APIP: variants seen among roughly 807,000 people sequenced by gnomAD.
APIP encodes APAF1 interacting protein, also known as methylthioribulose-1-phosphate dehydratase.
In APIP, 32 loss-of-function variants were observed where a neutral mutation model predicts 32.0. That is an observed-to-expected ratio of 1.00 (90% CI 0.76 to 1.34). The LOEUF (loss-of-function observed/expected upper bound fraction) is 1.34. Ranked by LOEUF, APIP falls within the 40% of genes most tolerant of loss-of-function variation. APIP has a pLI of 0.00. For synonymous variants in APIP, 92 were observed against 94.8 expected (o/e 0.97, Z 0.17); for missense variants, 247 against 298.6 (o/e 0.83, Z 1.27).
At chr11:34,914,394 A>G (rs978854309) in intron 1 of APIP, among the ~76,000 whole-genome samples, 1 of 152,212 alleles carries the variant, frequency 6.6e-6, no homozygotes, top group Admixed American at 6.5e-5. Flanking sequence ...CCTTAAGGCC[A>G]AAGAGACTGT....
At chr11:34,916,027 G>A (rs1853673671) in intron 1 of APIP, 1 of 661,674 alleles carries the variant, frequency 1.5e-6, no homozygotes, top group Admixed American at 3.1e-5. Flanking sequence ...CGCCCCGCCC[G>A]AGACCACTGA....
chr11:34,902,638 C>T (rs564346080), intron 1 of APIP, among the ~76,000 whole-genome samples: 134 of 152,210 alleles, frequency 8.8e-4, no homozygotes, highest in African/African-American at 3.0e-3. Flanking sequence ...TGAAATAGCC[C>T]GTCCATTATA....
chr11:34,887,140 G>A (rs1330726279), intron 5 of APIP, among the ~76,000 whole-genome samples: 1 of 152,038 alleles, frequency 6.6e-6, no homozygotes, highest in Non-Finnish European at 1.5e-5. Flanking sequence ...TCATTTCCCA[G>A]CTAGACTCCA....
intron 2 of APIP, among the ~76,000 whole-genome samples, chr11:34,893,251 G>C (rs1043353685): frequency 2.6e-5 from 4 of 152,046 alleles, no homozygotes; most frequent in Non-Finnish European, 5.9e-5. Flanking sequence ...ATTTCATCTT[G>C]AGTCCTGCAT....
At chr11:34,899,564 T>C (rs1853341856) in intron 1 of APIP, among the ~76,000 whole-genome samples, 1 of 152,264 alleles carries the variant, frequency 6.6e-6, no homozygotes, top group South Asian at 2.1e-4. Flanking sequence ...CAATCTAGCA[T>C]ACCCCCTCCA....
chr11:34,884,019 A>G (rs1046339501), intron 5 of APIP, among the ~76,000 whole-genome samples: 2 of 152,216 alleles, frequency 1.3e-5, no homozygotes, highest in Non-Finnish European at 2.9e-5. Flanking sequence ...AATGTTCTGG[A>G]GATAACTCTT....
At chr11:34,896,915 C>T in intron 1 of APIP, 1 of 874,548 alleles carries the variant, frequency 1.1e-6, no homozygotes, top group South Asian at 1.4e-5. Context: ...ATGAAAAATC[C>T]CCACATAAAC....
chr11:34,883,443 C>A lies in APIP; in HGVS notation c.523G>T (p.Asp175Tyr). The change falls in exon 6 of 7, where the codon GAT becomes TAT. Residue 175 changes from aspartate (D) to tyrosine (Y), a missense_variant. By Grantham distance (160) the Asp-to-Tyr change is radical. Coordinates refer to ENST00000395787, the MANE Select transcript of APIP (RefSeq NM_015957.4). ...ENTPEEKDLKDRMAHAMNEYP... is the reference protein window; with the variant it reads ...ENTPEEKDLKYRMAHAMNEYP... ...TCATTCATTGCATGAGCCATTCTAT[C>A]TTTGAGGTCTTTCTCCTCAGGTGTA... 14 of 1,614,072 alleles carry A rather than the reference C, an allele frequency of 8.7e-6. No homozygotes were observed. The highest frequency in any genetic ancestry group is 1.1e-5 in the Non-Finnish European group (13 of 1,179,972).
At chr11:34,896,101 T>C (rs369482941) in intron 1 of APIP, among the ~76,000 whole-genome samples, 11 of 152,074 alleles carry the variant, frequency 7.2e-5, no homozygotes, top group Admixed American at 5.2e-4. Context: ...CAGGAAACAA[T>C]AGATGCTGGA....
chr11:34,893,942 A>C (rs951774122), intron 2 of APIP, among the ~76,000 whole-genome samples: 2 of 152,252 alleles, frequency 1.3e-5, no homozygotes, highest in Non-Finnish European at 2.9e-5. Context: ...TGTTAAAGAA[A>C]GTGAATTAGA....
chr11:34,914,743 C>T (rs769427456), intron 1 of APIP, among the ~76,000 whole-genome samples: 1 of 152,102 alleles, frequency 6.6e-6, no homozygotes, highest in African/African-American at 2.4e-5. Flanking sequence ...GTGGCTTACA[C>T]CTGTAATCCC....
At chr11:34,885,145 C>CCTATATATGTATAGGTATACATGTATAA (rs1853043202) in intron 5 of APIP, among the ~76,000 whole-genome samples, 1 of 146,546 alleles carries the variant, frequency 6.8e-6, no homozygotes, top group Admixed American at 6.9e-5. Flanking sequence ...ATAATGTATA[C>CCTATATATGTATAGGTATACATGTATAA]CTATATATGT....
chr11:34,884,786 C>A (rs942445129), intron 5 of APIP, among the ~76,000 whole-genome samples: 1 of 151,802 alleles, frequency 6.6e-6, no homozygotes, highest in Non-Finnish European at 1.5e-5. Flanking sequence ...TCAAATCTTT[C>A]CTAATATTGG....
chr11:34,883,464 G>C lies in APIP; in HGVS notation c.502C>G (p.Pro168Ala). The C allele has an allele frequency of 6.2e-7, 1 of 1,613,906 alleles. No individual in the cohort carries two copies. ...CTATCTTTGAGGTCTTTCTCCTCAGGTGTATTCTCAATAATGGGTACCACT... is the reference window on the plus strand; with the variant it reads ...CTATCTTTGAGGTCTTTCTCCTCAGCTGTATTCTCAATAATGGGTACCACT... Reference protein sequence around the residue: ...MLVVPIIENTPEEKDLKDRMA... With the variant: ...MLVVPIIENTAEEKDLKDRMA... The change falls in exon 6 of 7, where the codon CCT (proline) becomes GCT (alanine). Residue 168 changes from proline (P) to alanine (A), a missense_variant. Coordinates refer to ENST00000395787, the MANE Select transcript of APIP (RefSeq NM_015957.4).
Position 34,888,816 on chromosome 11 carries a change from C to T in APIP, c.261G>A (p.Ser87=), listed in dbSNP as rs140661576. 19 of 1,519,688 alleles carry T rather than the reference C, an allele frequency of 1.3e-5. No individual in the cohort carries two copies. Among genetic ancestry groups the T allele is most frequent in the African/African-American group, 1.0e-4 (7 of 68,190 alleles). 94.1% of individuals were successfully genotyped at this position (1,519,688 alleles called of 1,614,324 possible). ...DINEKDISGP[S]PSKKLKKSQC... is the part of the protein sequence containing the mutation. Reference sequence around the variant, plus strand: ...GGCTTTTTTTTAGCTTCTTCGATGGCGAAGGTCCACTTATGTCCTTTTCAT... The same window carrying T: ...GGCTTTTTTTTAGCTTCTTCGATGGTGAAGGTCCACTTATGTCCTTTTCAT... Residue 87 remains serine, a synonymous_variant, in exon 4 of 7, where the codon TCG becomes TCA. Coordinates refer to ENST00000395787, the MANE Select transcript of APIP (RefSeq NM_015957.4).
chr11:34,905,352 G>A (rs919792019), intron 1 of APIP, among the ~76,000 whole-genome samples: 12 of 152,126 alleles, frequency 7.9e-5, no homozygotes, highest in Non-Finnish European at 1.5e-4. Flanking sequence ...GTTCAGTGAC[G>A]CTAAGGAAAC....
intron 1 of APIP, among the ~76,000 whole-genome samples, chr11:34,898,306 A>G (rs536958040): frequency 1.3e-5 from 2 of 152,224 alleles, no homozygotes; most frequent in African/African-American, 4.8e-5. Flanking sequence ...AAGGCCTCAG[A>G]TGTTAGGCTT....
At chr11:34,884,732 A>ACC (rs146887148) in intron 5 of APIP, among the ~76,000 whole-genome samples, 3 of 133,142 alleles carry the variant, frequency 2.3e-5, no homozygotes, top group Non-Finnish European at 5.4e-5. Flanking sequence ...TCAAAAAAAA[A>ACC]AGAAAAAAGT....
chr11:34,908,756 G>A (rs1016084448), intron 1 of APIP, among the ~76,000 whole-genome samples: 13 of 152,196 alleles, frequency 8.5e-5, no homozygotes, highest in South Asian at 4.1e-4. Flanking sequence ...AATGAAGGAC[G>A]GTGGGAGTAT....
Sources: gnomAD v4.1 joint callset for allele counts (sites outside exome capture counted in the v4.1 genomes callset) on GRCh38, gnomAD v4.1.1 for gene constraint, MANE v1.5 for transcripts, NCBI Gene and HGNC (gene_info 2026-07-23, HGNC 2026-07-21) for gene names.